NAGLU: variants seen among roughly 807,000 people sequenced by gnomAD.
NAGLU encodes alpha-N-acetylglucosaminidase.
NAGLU carries 34 observed loss-of-function variants against 43.4 expected under a neutral mutation model. The observed-to-expected ratio is 0.78, with a 90% CI of 0.60 to 1.04. The LOEUF (loss-of-function observed/expected upper bound fraction) is 1.04. NAGLU is among the 50% of genes least tolerant of loss of function. The pLI is 0.00. For missense variants in NAGLU, 910 were observed against 993.7 expected (o/e 0.92, Z 1.13); for synonymous variants, 425 against 437.6 (o/e 0.97, Z 0.36).
chr17:42,536,699 C>T (rs1386845175), intron 1 of NAGLU, 44 bp downstream of exon 1: 4 of 1,395,716 alleles, frequency 2.9e-6, no homozygotes, highest in East Asian at 6.1e-5. Context: ...GGCGCTTACC[C>T]CCTCCCGGAG....
At chr17:42,541,987 G>A (rs1543158) in intron 5 of NAGLU, among the ~76,000 whole-genome samples, 47,865 of 151,602 alleles carry the variant, frequency 0.32, 8,890 homozygotes, top group East Asian at 0.57. Context: ...TGCAACCTTC[G>A]TCTCCTAGGT....
At chr17:42,537,086 TG>T (rs2092908431) in intron 1 of NAGLU, 6 of 465,602 alleles carry the variant, frequency 1.3e-5, no homozygotes, top group African/African-American at 2.0e-5. Flanking sequence ...TGTTAGACTG[TG>T]GGGGCAGGGA....
chr17:42,541,653 A>T (rs1305477714), intron 5 of NAGLU, among the ~76,000 whole-genome samples: 1 of 152,240 alleles, frequency 6.6e-6, no homozygotes, highest in African/African-American at 2.4e-5. Flanking sequence ...CTAAGTGCGC[A>T]TCCTGCTACA....
chr17:42,541,195 C>T lies in NAGLU; in HGVS notation c.1010C>T (p.Ala337Val). Reference protein sequence around the residue: ...LAAATTAVYEAMTAVDTEAVW... With the variant: ...LAAATTAVYEVMTAVDTEAVW... ...GCAGCCACCACTGCCGTCTATGAGG[C>T]CATGACTGCAGGTACAGTGCCTGGG... Residue 337 changes from alanine (A) to valine (V), a missense_variant, in exon 5 of 6, where the codon GCC (alanine) becomes GTC (valine). Transcript: ENST00000225927. 6.2e-7 allele frequency: 1 copy of T among 1,613,014 alleles called. No individual in the cohort carries two copies. Among genetic ancestry groups the T allele is most frequent in the Non-Finnish European group, 8.5e-7 (1 of 1,180,032 alleles).
Position 42,537,458 on chromosome 17 carries a change from C to T in NAGLU, c.444C>T (p.Ala148=), listed in dbSNP as rs758301017. The T allele has an allele frequency of 6.2e-7, 1 of 1,614,246 alleles. No individual in the cohort carries two copies. The highest frequency in any genetic ancestry group is 8.5e-7 in the Non-Finnish European group (1 of 1,180,034). Residue 148 remains alanine, a synonymous_variant, in exon 2 of 6, where the codon GCC becomes GCT. Coordinates refer to ENST00000225927, the MANE Select transcript of NAGLU (RefSeq NM_000263.4). ...QSYSFVWWDW[A]RWEREIDWMA... is the part of the protein sequence containing the mutation. Reference sequence around the variant, plus strand: ...ACTCTTTCGTGTGGTGGGACTGGGCCCGCTGGGAGCGAGAGATAGACTGGA... The same window carrying T: ...ACTCTTTCGTGTGGTGGGACTGGGCTCGCTGGGAGCGAGAGATAGACTGGA...
Position 42,543,678 on chromosome 17 carries a change from T to C in NAGLU, c.1672T>C (p.Tyr558His). ...PSLATSPAFRYDLLDLTRQAV... is the reference protein window; with the variant it reads ...PSLATSPAFRHDLLDLTRQAV... ...CCTGGCCACCAGCCCCGCCTTCCGC[T>C]ACGACCTGCTGGACCTCACTCGGCA... The change falls in exon 6 of 6, where the codon TAC (tyrosine) becomes CAC (histidine). Residue 558 changes from tyrosine (Y) to histidine (H), a missense_variant. Tyr to His is a moderately conservative substitution (Grantham distance 83, BLOSUM62 2). Transcript: ENST00000225927. 6.2e-7 allele frequency: 1 copy of C among 1,613,104 alleles called. No individual in the cohort carries two copies. The highest frequency in any genetic ancestry group is 8.5e-7 in the Non-Finnish European group (1 of 1,180,028).
Position 42,536,644 on chromosome 17 carries a change from C to G in NAGLU, c.372C>G (p.Ala124=), listed in dbSNP as rs1350987479. ...CCGTGCCGGGGGAGCTGACCGAGGC[C>G]ACGCCCAACAGGTACCGCCCCGAAG... ...LPAVPGELTE[A]TPNRYRYYQN... The change falls in exon 1 of 6, where the codon GCC becomes GCG. Residue 124 remains alanine, a synonymous_variant. Transcript: ENST00000225927. 1 of 1,500,692 alleles carries G rather than the reference C, an allele frequency of 6.7e-7. No homozygotes were observed. Among genetic ancestry groups the G allele is most frequent in the Non-Finnish European group, 8.8e-7 (1 of 1,131,866 alleles). The allele number at this position is 1,500,692 out of a possible 1,614,324, so 93.0% of individuals were successfully genotyped here. A position where few individuals can be genotyped will look rare whatever the true frequency, so the allele number is the denominator to read the frequency against.
Position 42,543,078 on chromosome 17 carries a change from C to T in NAGLU, c.1072C>T (p.Pro358Ser). 2 of 1,610,006 alleles carry T rather than the reference C, an allele frequency of 1.2e-6. No individual in the cohort carries two copies. The highest frequency in any genetic ancestry group is 1.3e-5 in the African/African-American group (1 of 75,074). Residue 358 changes from proline (P) to serine (S), a missense_variant, in exon 6 of 6, where the codon CCG (proline) becomes TCG (serine). Physicochemically the swap from Pro to Ser is moderately conservative, Grantham distance 74. Coordinates refer to ENST00000225927, the MANE Select transcript of NAGLU (RefSeq NM_000263.4). ...CCAAGGCTGGCTCTTCCAGCACCAGCCGCAGTTCTGGGGGCCCGCCCAGAT... is the reference window on the plus strand; with the variant it reads ...CCAAGGCTGGCTCTTCCAGCACCAGTCGCAGTTCTGGGGGCCCGCCCAGAT... ...LLQGWLFQHQ[P>S]QFWGPAQIRA...
Position 42,543,726 on chromosome 17 carries a change from T to C in NAGLU, c.1720T>C (p.Leu574=). The change falls in exon 6 of 6, where the codon TTG becomes CTG. Residue 574 remains leucine (L), a synonymous_variant. Transcript: ENST00000225927. Reference sequence around the variant, plus strand: ...GCAGGCAGTGCAGGAGCTGGTCAGCTTGTACTATGAGGAGGCAAGAAGCGC... The same window carrying C: ...GCAGGCAGTGCAGGAGCTGGTCAGCCTGTACTATGAGGAGGCAAGAAGCGC... ...TRQAVQELVS[L]YYEEARSAYL... is the part of the protein sequence containing the mutation. 1 of 1,611,918 alleles carries C rather than the reference T, an allele frequency of 6.2e-7. No homozygotes were observed. The highest frequency in any genetic ancestry group is 1.1e-5 in the South Asian group (1 of 91,052).
chr17:42,537,069 G>A (rs2092908398), intron 1 of NAGLU: 1 of 461,916 alleles, frequency 2.2e-6, no homozygotes, highest in African/African-American at 2.0e-5. Context: ...GTCCTCCCCT[G>A]CCCATCTGTT....
intron 5 of NAGLU, among the ~76,000 whole-genome samples, chr17:42,542,811 A>C (rs1234904736): frequency 2.0e-5 from 3 of 152,242 alleles, no homozygotes; most frequent in Non-Finnish European, 2.9e-5. Flanking sequence ...TCCATGTTTT[A>C]AGGAGCCCTC....
At chr17:42,536,728 G>A in intron 1 of NAGLU, 73 bp downstream of exon 1, 1 of 1,360,930 alleles carries the variant, frequency 7.3e-7, no homozygotes, top group South Asian at 1.6e-5. Flanking sequence ...ACCCAAATCG[G>A]GAGGCTGAGC....
intron 4 of NAGLU, among the ~76,000 whole-genome samples, 154 bp from the exon 5 acceptor site, chr17:42,540,793 AAGG>A (rs1378862261): frequency 6.6e-6 from 1 of 152,040 alleles, no homozygotes; most frequent in East Asian, 1.9e-4. Context: ...GTGGCCAGGG[AAGG>A]AGAAGAAAGG....
In NAGLU at chr17:42,543,917, C is replaced by A; in HGVS notation, c.1911C>A (p.Phe637Leu). 6.2e-7 allele frequency: 1 copy of A among 1,607,038 alleles called. No homozygotes were observed. The highest frequency in any genetic ancestry group is 8.5e-7 in the Non-Finnish European group (1 of 1,177,058). The change falls in exon 6 of 6, where the codon TTC becomes TTA. Residue 637 changes from phenylalanine (F) to leucine (L), a missense_variant. Phe to Leu is a conservative substitution (Grantham distance 22, BLOSUM62 0). Coordinates refer to ENST00000225927, the MANE Select transcript of NAGLU (RefSeq NM_000263.4). ...AAAVSEAEAD[F>L]YEQNSRYQLT... ...CAGTCAGTGAGGCCGAGGCCGATTTCTACGAGCAGAACAGCCGCTACCAGC... is the reference window on the plus strand; with the variant it reads ...CAGTCAGTGAGGCCGAGGCCGATTTATACGAGCAGAACAGCCGCTACCAGC...
chr17:42,536,263 G>A lies in NAGLU; in HGVS notation c.-10G>A, dbSNP rs931287638. On this transcript the variant is annotated 5_prime_UTR_variant, in exon 1 of 6. Coordinates refer to ENST00000225927, the MANE Select transcript of NAGLU (RefSeq NM_000263.4). ...CCCCTGGCCGTCGCGGGACCCGCAG[G>A]ACTGAGACCATGGAGGCGGTGGCGG... The A allele has an allele frequency of 2.5e-6, 3 of 1,218,132 alleles. No individual in the cohort carries two copies. Among genetic ancestry groups the A allele is most frequent in the Non-Finnish European group, 3.1e-6 (3 of 979,044 alleles). 75.5% of individuals were successfully genotyped at this position (1,218,132 alleles called of 1,614,324 possible).
rs2092913999 is a variant in NAGLU, at chr17:42,538,735, T to C, written c.744T>C (p.His248=). ...CAGTGCTGCCTGCATTCGCGGGGCA[T>C]GTTCCCGAGGCTGTCACCAGGTGAG... ...MTPVLPAFAG[H]VPEAVTRVFP... The change falls in exon 4 of 6, where the codon CAT becomes CAC. Residue 248 remains histidine, a synonymous_variant. Coordinates refer to ENST00000225927, the MANE Select transcript of NAGLU (RefSeq NM_000263.4). 1 of 1,614,038 alleles carries C rather than the reference T, an allele frequency of 6.2e-7. No homozygotes were observed. Among genetic ancestry groups the C allele is most frequent in the Non-Finnish European group, 8.5e-7 (1 of 1,180,036 alleles).
chr17:42,541,442 G>A (rs746398408), intron 5 of NAGLU, among the ~76,000 whole-genome samples: 1 of 152,196 alleles, frequency 6.6e-6, no homozygotes, highest in Non-Finnish European at 1.5e-5. Context: ...TTTCCTGGCC[G>A]TGTGACTTAT....
At chr17:42,537,665 T>A in intron 2 of NAGLU, 120 bp downstream of exon 2, 1 of 1,384,716 alleles carries the variant, frequency 7.2e-7, no homozygotes, top group South Asian at 1.3e-5. Context: ...GCGTGCACAG[T>A]GGCTTGGGCC....
chr17:42,541,302 G>A, intron 5 of NAGLU, 96 bp downstream of exon 5: 2 of 1,522,588 alleles, frequency 1.3e-6, no homozygotes, highest in Admixed American at 1.8e-5. Flanking sequence ...CTGGAATAAT[G>A]CCTCGCCATA....
Sources: allele counts gnomAD v4.1 joint callset (sites outside exome capture counted in the v4.1 genomes callset), GRCh38; gene constraint gnomAD v4.1.1; transcripts MANE v1.5; gene names NCBI Gene and HGNC (gene_info 2026-07-23, HGNC 2026-07-21).